The following IL18R1 variants were observed in gnomAD, a reference collection of about 807,000 sequenced individuals.
IL18R1 encodes interleukin 18 receptor 1.
Under a neutral mutation model 48.5 loss-of-function variants are expected in IL18R1, and 40 were observed. The ratio of observed to expected loss-of-function variants is 0.82; its 90% confidence interval spans 0.64 to 1.07. The LOEUF (loss-of-function observed/expected upper bound fraction) is 1.07. Ranked by LOEUF, IL18R1 falls within the 50% of genes least tolerant of loss-of-function variation. The probability of loss-of-function intolerance (pLI) is 0.00; values close to 1 mark genes in which losing one functional copy is unlikely to be tolerated. For missense variants in IL18R1, 596 were observed against 633.7 expected (o/e 0.94, Z 0.64); for synonymous variants, 232 against 225.9 (o/e 1.03, Z -0.24).
intron 1 of IL18R1, among the ~76,000 whole-genome samples, chr2:102,359,205 G>A (rs547106241): frequency 2.1e-4 from 32 of 152,154 alleles, no homozygotes; most frequent in Non-Finnish European, 4.4e-4. Context: ...TTTGAGGAAA[G>A]TAAGTTTAGT....
At chr2:102,362,741 A>G in intron 2 of IL18R1, 23 bp downstream of exon 2, 1 of 1,431,344 alleles carries the variant, frequency 7.0e-7, no homozygotes. Flanking sequence ...ACATACTCTC[A>G]AACATATTTC....
Position 102,372,052 on chromosome 2 carries a change from A to T in IL18R1, c.402A>T (p.Lys134Asn), listed in dbSNP as rs754016574. 9.3e-6 allele frequency: 15 copies of T among 1,609,472 alleles called. No homozygotes were observed. Among genetic ancestry groups the T allele is most frequent in the Non-Finnish European group, 1.3e-5 (15 of 1,178,212 alleles). Residue 134 changes from lysine (K) to asparagine (N), a missense_variant, in exon 4 of 11, where the codon AAA becomes AAT. Lys to Asn is a moderately conservative substitution (Grantham distance 94). Coordinates refer to ENST00000233957, the MANE Select transcript of IL18R1 (RefSeq NM_003855.5). ...QVTSKIVEVK[K>N]FFQITCENSY... is the part of the protein sequence containing the mutation. ...CTAGTAAAATTGTGGAAGTTAAAAA[A>T]TTTTTTCAGATAACCTGTGAAAACA...
At chr2:102,375,495 T>G (rs549342606) in intron 4 of IL18R1, among the ~76,000 whole-genome samples, 7 of 152,174 alleles carry the variant, frequency 4.6e-5, no homozygotes, top group Non-Finnish European at 7.3e-5. Context: ...GGATGCATAG[T>G]CCAGAATACA....
chr2:102,386,621 A>G (rs1680243747), intron 7 of IL18R1, among the ~76,000 whole-genome samples: 2 of 152,216 alleles, frequency 1.3e-5, no homozygotes, highest in African/African-American at 4.8e-5. Flanking sequence ...CCAGCCATTT[A>G]AACTTCAGGT....
chr2:102,368,171 C>T lies in IL18R1; in HGVS notation c.302+103C>T, dbSNP rs562944754. 2.2e-5 allele frequency: 27 copies of T among 1,226,540 alleles called. No individual in the cohort carries two copies. The East Asian group carries it at 6.3e-4, about 29-fold the overall frequency. 76.0% of individuals were successfully genotyped at this position (1,226,540 alleles called of 1,614,324 possible). Reference sequence around the variant, plus strand: ...TGAAAGGTCAGATAATCACCACATCCTTTTCTTTCCTACTCTTCCTATGAC... The same window carrying T: ...TGAAAGGTCAGATAATCACCACATCTTTTTCTTTCCTACTCTTCCTATGAC... On this transcript the variant is annotated intron_variant, in intron 3 of 10. Coordinates refer to ENST00000233957, the MANE Select transcript of IL18R1 (RefSeq NM_003855.5).
intron 8 of IL18R1, among the ~76,000 whole-genome samples, chr2:102,389,236 A>C (rs547929679): frequency 1.1e-4 from 16 of 152,296 alleles, no homozygotes; most frequent in Admixed American, 3.9e-4. Context: ...ATAATGAGTG[A>C]TTACCATATA....
intron 9 of IL18R1, among the ~76,000 whole-genome samples, chr2:102,392,738 T>G (rs924311397): frequency 6.6e-6 from 1 of 152,186 alleles, no homozygotes; most frequent in Non-Finnish European, 1.5e-5. Context: ...CCAAGCATAG[T>G]TTGAGGAACA....
intron 3 of IL18R1, among the ~76,000 whole-genome samples, chr2:102,369,093 T>C (rs942058780): frequency 1.3e-5 from 2 of 152,146 alleles, no homozygotes; most frequent in African/African-American, 4.8e-5. Flanking sequence ...GAGTGATAAT[T>C]ACAGAAATGG....
intron 4 of IL18R1, among the ~76,000 whole-genome samples, chr2:102,375,367 T>C (rs1679513698): frequency 6.6e-6 from 1 of 152,200 alleles, no homozygotes; most frequent in Non-Finnish European, 1.5e-5. Flanking sequence ...GATTTGAATA[T>C]TGCTGATGCA....
At position 102,367,784 on chromosome 2, in the gene IL18R1, G is replaced by T. The variant is rs763602788; in HGVS notation, c.59-41G>T. The stretch of plus-strand genomic sequence containing the variant: ...CAAAAAAAGTTACCTTGTCATTTTG[G>T]TTTTTGTTTTTATTTATTTTACTTT... On this transcript the variant is annotated intron_variant, in intron 2 of 10. Transcript: ENST00000233957. The T allele has an allele frequency of 3.2e-6, 5 of 1,562,488 alleles. No individual in the cohort carries two copies. In the Admixed American group the frequency reaches 9.4e-5, roughly 29 times the overall value.
rs1166975948 is a variant in IL18R1, at chr2:102,362,669, T to C, written c.9T>C (p.Cys3=). ...GAAGCAGAATCCAAACCATGAATTG[T>C]AGAGAATTACCCTTGACCCTTTGGG... The part of the protein sequence containing the change: MN[C]RELPLTLWVL... Residue 3 remains cysteine (C), a synonymous_variant, in exon 2 of 11, where the codon TGT becomes TGC. Transcript: ENST00000233957. 16 of 1,606,144 alleles carry C rather than the reference T, an allele frequency of 1.0e-5. No individual in the cohort carries two copies. The highest frequency in any genetic ancestry group is 1.4e-5 in the Non-Finnish European group (16 of 1,177,460).
At chr2:102,373,257 A>G (rs923073956) in intron 4 of IL18R1, among the ~76,000 whole-genome samples, 1 of 152,164 alleles carries the variant, frequency 6.6e-6, no homozygotes, top group African/African-American at 2.4e-5. Context: ...AAGCTCTTAT[A>G]CACCATGGAA....
At chr2:102,356,819 A>G (rs1678278723) in intron 1 of IL18R1, among the ~76,000 whole-genome samples, 1 of 151,562 alleles carries the variant, frequency 6.6e-6, no homozygotes, top group East Asian at 2.0e-4. Flanking sequence ...GCTACTAAGT[A>G]GTAGATCCCA....
chr2:102,373,415 A>C (rs1679382829), intron 4 of IL18R1, among the ~76,000 whole-genome samples: 2 of 151,938 alleles, frequency 1.3e-5, no homozygotes, highest in African/African-American at 4.8e-5. Flanking sequence ...AACAATGAGA[A>C]CACATGGACA....
chr2:102,368,894 C>T (rs895046803), intron 3 of IL18R1, among the ~76,000 whole-genome samples: 1 of 152,082 alleles, frequency 6.6e-6, no homozygotes, highest in East Asian at 1.9e-4. Flanking sequence ...AGAGTGAGTC[C>T]TGATCATTAT....
intron 4 of IL18R1, among the ~76,000 whole-genome samples, chr2:102,372,396 G>A (rs929190066): frequency 6.6e-6 from 1 of 152,028 alleles, no homozygotes; most frequent in Non-Finnish European, 1.5e-5. Flanking sequence ...CTTCTCTTTC[G>A]ATAAGTTAGT....
intron 9 of IL18R1, among the ~76,000 whole-genome samples, chr2:102,391,468 A>T (rs1344642617): frequency 6.6e-6 from 1 of 152,202 alleles, no homozygotes; most frequent in Non-Finnish European, 1.5e-5. Flanking sequence ...GTGCAGAGCT[A>T]CCACTGTTTA....
At chr2:102,394,772 A>C in intron 10 of IL18R1, 145 bp downstream of exon 10, 108 of 536,142 alleles carry the variant, frequency 2.0e-4, no homozygotes, top group Non-Finnish European at 2.1e-4. Context: ...TAAGTCAACA[A>C]TCGATAGTGA....
At chr2:102,379,214 C>A (rs192762222) in intron 5 of IL18R1, among the ~76,000 whole-genome samples, 1 of 152,076 alleles carries the variant, frequency 6.6e-6, no homozygotes, top group Admixed American at 6.5e-5. Flanking sequence ...GAGGCCGAGG[C>A]GGATGGATCA....
Sources: allele counts gnomAD v4.1 joint callset (sites outside exome capture counted in the v4.1 genomes callset), GRCh38; gene constraint gnomAD v4.1.1; transcripts MANE v1.5; gene names NCBI Gene and HGNC (gene_info 2026-07-23, HGNC 2026-07-21).